The following MDGA2 variants were observed in gnomAD, a reference collection of about 807,000 sequenced individuals.
MDGA2 encodes the protein MAM domain-containing glycosylphosphatidylinositol anchor protein 2.
A neutral mutation model predicts 117.8 loss-of-function variants in MDGA2; 40 were observed. The observed-to-expected ratio is 0.34, with a 90% CI of 0.26 to 0.44. The LOEUF is 0.44. MDGA2 is among the 20% of genes least tolerant of loss of function. MDGA2 has a pLI of 1.00. For missense variants in MDGA2, 1,123 were observed against 1,250.6 expected, an observed-to-expected ratio of 0.90 and a Z score of 1.54; for synonymous variants, 452 against 439.0, an observed-to-expected ratio of 1.03 and a Z score of -0.37.
intron 6 of MDGA2, among the ~76,000 whole-genome samples, chr14:47,072,369 T>G (rs1890324584): frequency 6.6e-6 from 1 of 152,160 alleles, no homozygotes; most frequent in African/African-American, 2.4e-5. Flanking sequence ...GTTCAATTGT[T>G]TGCATTTCTT....
At chr14:46,897,791 A>T (rs527492150) in intron 10 of MDGA2, among the ~76,000 whole-genome samples, 3 of 152,036 alleles carry the variant, frequency 2.0e-5, no homozygotes, top group Non-Finnish European at 4.4e-5. Context: ...TTATCACTCA[A>T]AATGTATAAT....
chr14:47,304,939 T>C (rs1194021960), intron 1 of MDGA2, among the ~76,000 whole-genome samples: 1 of 152,154 alleles, frequency 6.6e-6, no homozygotes, highest in African/African-American at 2.4e-5. Flanking sequence ...TAAATGATTA[T>C]CTTCTCTTTT....
At chr14:46,926,488 G>T (rs1319026259) in intron 9 of MDGA2, among the ~76,000 whole-genome samples, 1 of 151,164 alleles carries the variant, frequency 6.6e-6, no homozygotes, top group South Asian at 2.1e-4. Context: ...ATAGCCAAAC[G>T]ATTTGAGAAT....
intron 2 of MDGA2, among the ~76,000 whole-genome samples, chr14:47,242,678 C>T (rs1032335795): frequency 2.0e-5 from 3 of 151,792 alleles, no homozygotes. Context: ...GCTGCCTTCC[C>T]GCAGGGCAGT....
intron 7 of MDGA2, among the ~76,000 whole-genome samples, chr14:47,047,202 A>G (rs921187086): frequency 6.6e-6 from 1 of 152,150 alleles, no homozygotes; most frequent in African/African-American, 2.4e-5. Flanking sequence ...TCCAAATTAA[A>G]GGATTTTTTT....
intron 3 of MDGA2, among the ~76,000 whole-genome samples, chr14:47,144,832 T>TTTTTTTTTTTTTTC: frequency 6.7e-6 from 1 of 148,986 alleles, no homozygotes; most frequent in African/African-American, 2.5e-5. Flanking sequence ...TTTTTTTTTG[T>TTTTTTTTTTTTTTC]ACAGACAGGG....
chr14:46,853,350 AAGG>A lies in MDGA2; in HGVS notation c.2883+1671_2883+1673del, dbSNP rs139100289. Among the ~76,000 whole-genome samples the A allele has an allele frequency of 1.9e-3, 286 of 152,000 alleles. 2 individuals are homozygous for A. Among genetic ancestry groups the A allele is most frequent in the African/African-American group, 6.6e-3 (275 of 41,546 alleles). On this transcript the variant is annotated intron_variant, in intron 15 of 16. Coordinates refer to ENST00000399232, the MANE Select transcript of MDGA2 (RefSeq NM_001113498.3). ...TATGTATGTGTGATTGAAATCTTCG[AAGG>A]AGAAGAGGAGAAAAACCTCAAATTT...
intron 10 of MDGA2, among the ~76,000 whole-genome samples, chr14:46,900,425 T>C (rs950909969): frequency 2.6e-5 from 4 of 152,150 alleles, no homozygotes; most frequent in African/African-American, 9.7e-5. Context: ...TATAGTACCT[T>C]TACTGCTAAT....
At chr14:46,945,816 A>G (rs533659486) in intron 9 of MDGA2, among the ~76,000 whole-genome samples, 21 of 152,128 alleles carry the variant, frequency 1.4e-4, no homozygotes, top group African/African-American at 5.1e-4. Flanking sequence ...TTGTAACCTC[A>G]TGTAGTTTGT....
chr14:46,858,640 A>G (rs1436849043), intron 14 of MDGA2, among the ~76,000 whole-genome samples: 1 of 151,580 alleles, frequency 6.6e-6, no homozygotes, highest in Non-Finnish European at 1.5e-5. Context: ...TGTTAGCCAG[A>G]ATGGTCTCGA....
chr14:47,294,848 A>T (rs1889009286), intron 2 of MDGA2, among the ~76,000 whole-genome samples: 1 of 152,228 alleles, frequency 6.6e-6, no homozygotes, highest in African/African-American at 2.4e-5. Flanking sequence ...GATTTTTATC[A>T]TGGTAAGATT....
At chr14:47,045,615 AT>A (rs1020873173) in intron 7 of MDGA2, among the ~76,000 whole-genome samples, 1 of 152,250 alleles carries the variant, frequency 6.6e-6, no homozygotes, top group African/African-American at 2.4e-5. Flanking sequence ...TATGTATTAG[AT>A]TGAGAATGTT....
At chr14:47,646,595 G>T (rs1302843432) in intron 1 of MDGA2, among the ~76,000 whole-genome samples, 5 of 152,116 alleles carry the variant, frequency 3.3e-5, no homozygotes, top group Non-Finnish European at 5.9e-5. Flanking sequence ...GTGAAGTGGG[G>T]ATAACAGTAG....
intron 9 of MDGA2, among the ~76,000 whole-genome samples, chr14:46,947,406 T>C (rs550970595): frequency 3.3e-5 from 5 of 152,136 alleles, no homozygotes; most frequent in South Asian, 2.1e-4. Context: ...GCATGTAAAT[T>C]TTCCCCCCAA....
rs1880010136 is a variant in MDGA2, at chr14:47,096,982, T to C, written c.1067A>G (p.Lys356Arg). ...WVRSFGTLPE[K>R]TVLNGGTLTI... ...CAAAGTTCCTCCATTCAAAACAGTC[T>C]TTTCAGGCAGAGTCCCAAAGGACCT... is the stretch of plus-strand genomic sequence containing the variant. Residue 356 changes from lysine to arginine, a missense_variant, in exon 6 of 17, where the codon AAG becomes AGG. This residue lies in a region of MDGA2 where 890 missense variants were observed against 1,050.3 expected (regional missense o/e 0.85). Coordinates refer to ENST00000399232, the MANE Select transcript of MDGA2 (RefSeq NM_001113498.3). 6.2e-7 allele frequency: 1 copy of C among 1,613,210 alleles called. No homozygotes were observed.
intron 6 of MDGA2, among the ~76,000 whole-genome samples, chr14:47,066,662 GATA>G (rs1890094014): frequency 6.6e-6 from 1 of 151,780 alleles, no homozygotes; most frequent in African/African-American, 2.4e-5. Context: ...ATATGCTTCA[GATA>G]ATAATCATTT....
chr14:47,614,102 T>C (rs1198893737), intron 1 of MDGA2, among the ~76,000 whole-genome samples: 5 of 146,878 alleles, frequency 3.4e-5, no homozygotes, highest in Admixed American at 6.7e-5. Context: ...TTTCTTTTTT[T>C]TTTTTTTTTT....
intron 1 of MDGA2, among the ~76,000 whole-genome samples, chr14:47,458,825 G>T (rs1893418971): frequency 6.6e-6 from 1 of 151,406 alleles, no homozygotes; most frequent in African/African-American, 2.4e-5. Context: ...AGGAATGTGT[G>T]AATTAATCTT....
At chr14:47,048,613 T>C (rs976368804) in intron 7 of MDGA2, among the ~76,000 whole-genome samples, 2 of 152,010 alleles carry the variant, frequency 1.3e-5, no homozygotes, top group African/African-American at 2.4e-5. Flanking sequence ...CCTGTAGAAA[T>C]AGACACTACT....
Sources: allele counts gnomAD v4.1 joint callset (sites outside exome capture counted in the v4.1 genomes callset), GRCh38; gene constraint gnomAD v4.1.1; regional missense constraint gnomAD v4.1.1; transcripts MANE v1.5; gene names NCBI Gene and HGNC (gene_info 2026-07-23, HGNC 2026-07-21).